Variants in LARGE1 observed in about 807,000 individuals in gnomAD.
The protein encoded by LARGE1 is LARGE xylosyl- and glucuronyltransferase 1, also known as xylosyl- and glucuronyltransferase LARGE1.
LARGE1 carries 43 observed loss-of-function variants against 87.6 expected under a neutral mutation model. The ratio of observed to expected loss-of-function variants is 0.49; its 90% CI spans 0.38 to 0.63. The LOEUF (loss-of-function observed/expected upper bound fraction) is 0.63, where lower values mean the gene tolerates loss of function less well. Among genes scored for constraint, LARGE1 ranks in the 30% least tolerant of loss-of-function variants. The pLI is 0.00. For missense variants in LARGE1, 802 were observed against 1,000.2 expected (o/e 0.80, Z 2.67); for synonymous variants, 434 against 394.6 (o/e 1.10, Z -1.18).
At position 33,354,287 on chromosome 22, in the gene LARGE1, C is replaced by G. The variant is rs182521525; in HGVS notation, c.1132-16486G>C. Among the ~76,000 whole-genome samples, 7 of 152,276 alleles carry G rather than the reference C, an allele frequency of 4.6e-5. No individual in the cohort carries two copies. The East Asian group carries it at 1.4e-3, about 29-fold the overall frequency. ...GAGGCCAAGAAATGATGTTACCTAT[C>G]AAAGCCCTCATTTCTATATACTTAG... On this transcript the variant is annotated intron_variant, in intron 9 of 14. Coordinates refer to ENST00000397394, the MANE Select transcript of LARGE1 (RefSeq NM_133642.5).
rs77161725 is a variant in LARGE1, at chr22:33,491,444, C to T, written c.788-59179G>A. 3.5e-3 allele frequency among the ~76,000 whole-genome samples: 539 copies of T among 152,236 alleles called. 5 individuals are homozygous for T. Among genetic ancestry groups the T allele is most frequent in the South Asian group, 0.024 (114 of 4,824 alleles). On this transcript the variant is annotated intron_variant, in intron 6 of 14. Transcript: ENST00000397394. ...GATAAAAGTAGTTAAAAAAGATGAA[C>T]GCATTTTCCCAACTGAGCTATCCCA... is the stretch of plus-strand genomic sequence containing the variant.
intron 2 of LARGE1, among the ~76,000 whole-genome samples, chr22:33,679,468 GCACACACACACACA>G (rs113355241): frequency 6.8e-6 from 1 of 147,520 alleles, no homozygotes; most frequent in Non-Finnish European, 1.5e-5. Flanking sequence ...ACACACACAC[GCACACACACACACA>G]CACACACACG....
At chr22:33,345,938 A>G (rs1195270746) in intron 9 of LARGE1, among the ~76,000 whole-genome samples, 1 of 152,200 alleles carries the variant, frequency 6.6e-6, no homozygotes, top group African/African-American at 2.4e-5. Context: ...GGTGAATAAG[A>G]ACATGGATCT....
upstream of LARGE1, among the ~76,000 whole-genome samples, chr22:33,921,998 G>C (rs2065960535): frequency 1.3e-5 from 2 of 152,050 alleles, no homozygotes; most frequent in African/African-American, 4.8e-5. This position sits in a 1 kb window ranked among gnomAD's most constrained non-coding sequence, Gnocchi z 4.1. Context: ...AGCTCCGGGC[G>C]CGCGATCCAG....
At chr22:33,894,713 CAT>C (rs2065087988) in intron 1 of LARGE1, among the ~76,000 whole-genome samples, 3 of 150,756 alleles carry the variant, frequency 2.0e-5, no homozygotes, top group Non-Finnish European at 3.0e-5. Flanking sequence ...AGGTCACACA[CAT>C]GTGTGTGACC....
intron 1 of LARGE1, among the ~76,000 whole-genome samples, chr22:33,806,794 G>A (rs1231890726): frequency 6.6e-6 from 1 of 152,074 alleles, no homozygotes; most frequent in Non-Finnish European, 1.5e-5. Flanking sequence ...GGCGGATCAC[G>A]AGGTCAAGAG....
chr22:33,872,816 G>A (rs2064337619), intron 1 of LARGE1, among the ~76,000 whole-genome samples: 1 of 152,062 alleles, frequency 6.6e-6, no homozygotes. Flanking sequence ...TGGCCAACAT[G>A]GCAAAACCCT....
intron 7 of LARGE1, among the ~76,000 whole-genome samples, chr22:33,424,777 G>T (rs7292262): frequency 6.6e-6 from 1 of 152,032 alleles, no homozygotes; most frequent in Non-Finnish European, 1.5e-5. Context: ...CTAGGAGGTC[G>T]AGGCTGCAGC....
chr22:33,652,259 T>A (rs2080842427), intron 2 of LARGE1, among the ~76,000 whole-genome samples: 1 of 152,018 alleles, frequency 6.6e-6, no homozygotes, highest in Non-Finnish European at 1.5e-5. Context: ...GCCACCACAA[T>A]GGTGATGTCA....
downstream of LARGE1, among the ~76,000 whole-genome samples, chr22:33,271,080 G>A (rs1007886910): frequency 2.0e-4 from 31 of 152,326 alleles, no homozygotes; most frequent in African/African-American, 6.7e-4. Context: ...TAATTTTCAG[G>A]AAGTCCATGA....
intron 6 of LARGE1, among the ~76,000 whole-genome samples, chr22:33,469,611 G>C (rs1028958107): frequency 1.1e-4 from 16 of 152,144 alleles, no homozygotes; most frequent in African/African-American, 3.9e-4. Context: ...GATCACTTGA[G>C]GTCAGGAGTT....
At chr22:33,656,637 G>T (rs1407707155) in intron 2 of LARGE1, among the ~76,000 whole-genome samples, 1 of 151,988 alleles carries the variant, frequency 6.6e-6, no homozygotes, top group Admixed American at 6.5e-5. Flanking sequence ...TTCCTTCCAG[G>T]TTTCTACTCT....
intron 10 of LARGE1, among the ~76,000 whole-genome samples, chr22:33,325,635 T>C (rs902181940): frequency 6.6e-6 from 1 of 152,144 alleles, no homozygotes; most frequent in African/African-American, 2.4e-5. Context: ...TTTGAATGCT[T>C]GTAGCCTGTA....
chr22:33,919,000 T>C lies in LARGE1; in HGVS notation c.-83+995A>G, dbSNP rs146819712. On this transcript the variant is annotated intron_variant, in intron 1 of 14. Transcript: ENST00000397394. ...CATTCACGAAAAATGTAAGCTGCTA[T>C]TTTGCTCCCTCAGGAGATCATTTTA... 2.6e-3 allele frequency among the ~76,000 whole-genome samples: 391 copies of C among 152,160 alleles called. 1 individual carries two copies. The highest frequency in any genetic ancestry group is 4.4e-3 in the Non-Finnish European group (298 of 68,016).
chr22:33,096,096 G>A, the LARGE1 span, among the ~76,000 whole-genome samples: 40,678 of 152,008 alleles, frequency 0.27, 6,029 homozygotes, highest in Non-Finnish European at 0.34. Context: ...TTTCCTCTGA[G>A]TTTTATTTCC....
intron 2 of LARGE1, among the ~76,000 whole-genome samples, chr22:33,734,226 C>G (rs1357090708): frequency 6.6e-6 from 1 of 152,192 alleles, no homozygotes; most frequent in Non-Finnish European, 1.5e-5. Context: ...CTGCAAAGAC[C>G]CTCTTTCCAC....
chr22:33,542,922 C>T (rs2077252985), intron 6 of LARGE1, among the ~76,000 whole-genome samples: 1 of 152,128 alleles, frequency 6.6e-6, no homozygotes, highest in East Asian at 1.9e-4. Flanking sequence ...GAAATTGCAT[C>T]ATCCAAGTCA....
intron 2 of LARGE1, among the ~76,000 whole-genome samples, chr22:33,719,713 G>A (rs1001093212): frequency 6.6e-6 from 1 of 151,778 alleles, no homozygotes; most frequent in Non-Finnish European, 1.5e-5. Flanking sequence ...GTAGAGATGG[G>A]GTTTCACCAT....
chr22:33,262,804 CTTCCTTCT>C (rs1258485313), intron 11 of LARGE1, among the ~76,000 whole-genome samples: 6 of 148,548 alleles, frequency 4.0e-5, no homozygotes, highest in African/African-American at 1.5e-4. Context: ...TCCTTCCTTC[CTTCCTTCT>C]TTCCTTCCTG....
Sources: allele counts gnomAD v4.1 joint callset (sites outside exome capture counted in the v4.1 genomes callset), GRCh38; gene constraint gnomAD v4.1.1; non-coding constraint Gnocchi (gnomAD v3.1); transcripts MANE v1.5; gene names NCBI Gene and HGNC (gene_info 2026-07-23, HGNC 2026-07-21).